LYPLAL1: variants seen among roughly 807,000 people sequenced by gnomAD.
LYPLAL1 encodes the protein lysophospholipase like 1, also known as lysophospholipase-like protein 1.
Under a neutral mutation model 19.7 loss-of-function variants are expected in LYPLAL1, and 23 were observed. That is an observed-to-expected ratio of 1.17 (90% CI 0.84 to 1.65). The LOEUF is 1.65. Ranked by LOEUF, LYPLAL1 falls within the 40% of genes most tolerant of loss-of-function variation. The pLI is 0.00. For missense variants in LYPLAL1, 355 were observed against 279.4 expected (o/e 1.27, Z -1.93); for synonymous variants, 119 against 96.3 (o/e 1.24, Z -1.38).
At chr1:219,178,958 A>G (rs574262952) in intron 1 of LYPLAL1, among the ~76,000 whole-genome samples, 189 bp from the exon 2 acceptor site, 6 of 152,302 alleles carry the variant, frequency 3.9e-5, no homozygotes, top group Non-Finnish European at 5.9e-5. Flanking sequence ...AATCAAAATT[A>G]TTGCTAGTTA....
the LYPLAL1 span, among the ~76,000 whole-genome samples, chr1:219,428,768 T>C: frequency 4.1e-3 from 622 of 152,350 alleles, 4 homozygotes; most frequent in Non-Finnish European, 7.3e-3. Flanking sequence ...TCAAACAGCA[T>C]GTGCCTTTTT....
chr1:219,370,687 A>T, the LYPLAL1 span, among the ~76,000 whole-genome samples: 288 of 152,306 alleles, frequency 1.9e-3, no homozygotes, highest in African/African-American at 5.7e-3. Flanking sequence ...CACTTTTGAG[A>T]ACATGAACAA....
intron 1 of LYPLAL1, among the ~76,000 whole-genome samples, chr1:219,177,259 G>A (rs1655892940): frequency 1.3e-5 from 2 of 152,178 alleles, no homozygotes; most frequent in African/African-American, 2.4e-5. Context: ...TCCAGGTAGT[G>A]TAGGGCAGGG....
the LYPLAL1 span, among the ~76,000 whole-genome samples, chr1:219,419,594 C>CAGAGAGAGAG: frequency 9.3e-3 from 923 of 99,560 alleles, 25 homozygotes; most frequent in African/African-American, 0.025. Context: ...CACACACACA[C>CAGAGAGAGAG]AGAGAGAGAG....
the LYPLAL1 span, among the ~76,000 whole-genome samples, chr1:219,414,907 G>A: frequency 6.6e-6 from 1 of 152,120 alleles, no homozygotes; most frequent in African/African-American, 2.4e-5. Flanking sequence ...GAGAAACCAG[G>A]GGGACCCAGA....
At chr1:219,178,805 T>G (rs1037448122) in intron 1 of LYPLAL1, among the ~76,000 whole-genome samples, 1 of 152,142 alleles carries the variant, frequency 6.6e-6, no homozygotes. Context: ...AAAAGTCACA[T>G]ATAAATACAG....
At chr1:219,429,818 C>T in the LYPLAL1 span, among the ~76,000 whole-genome samples, 21 of 152,154 alleles carry the variant, frequency 1.4e-4, no homozygotes, top group East Asian at 3.9e-4. Context: ...AAAACTGTAA[C>T]AAATTTAATG....
the LYPLAL1 span, among the ~76,000 whole-genome samples, chr1:219,436,586 A>G: frequency 2.6e-5 from 4 of 152,042 alleles, no homozygotes; most frequent in Admixed American, 1.3e-4. Flanking sequence ...TCCTTGCCCC[A>G]TGGGAAGAGG....
chr1:219,229,294 T>TGAGAGAGAGAGAGAGAGAGA, the LYPLAL1 span, among the ~76,000 whole-genome samples: 49 of 133,016 alleles, frequency 3.7e-4, no homozygotes, highest in African/African-American at 9.5e-4. Flanking sequence ...ACAAGCATTT[T>TGAGAGAGAGAGAGAGAGAGA]GAGAGAGAGA....
chr1:219,311,084 A>G, the LYPLAL1 span, among the ~76,000 whole-genome samples: 589 of 151,066 alleles, frequency 3.9e-3, 1 homozygote, highest in Middle Eastern at 0.014. Context: ...AGTCTTATTC[A>G]TCATATAAAA....
At chr1:219,426,461 C>T in the LYPLAL1 span, among the ~76,000 whole-genome samples, 6 of 152,088 alleles carry the variant, frequency 3.9e-5, no homozygotes, top group Non-Finnish European at 7.4e-5. Context: ...CTAGCTGTTG[C>T]CATGTCACAG....
chr1:219,360,578 G>A, the LYPLAL1 span, among the ~76,000 whole-genome samples: 12 of 152,262 alleles, frequency 7.9e-5, no homozygotes, highest in African/African-American at 2.9e-4. Context: ...TACATTTGTA[G>A]AGTAAATGAA....
At chr1:219,401,905 A>G in the LYPLAL1 span, among the ~76,000 whole-genome samples, 1 of 152,196 alleles carries the variant, frequency 6.6e-6, no homozygotes, top group Non-Finnish European at 1.5e-5. Context: ...ATGTGTTTAC[A>G]TATTTGACAA....
At chr1:219,285,914 A>G in the LYPLAL1 span, among the ~76,000 whole-genome samples, 1 of 152,196 alleles carries the variant, frequency 6.6e-6, no homozygotes, top group Admixed American at 6.5e-5. Flanking sequence ...CTTCTCACAT[A>G]TATTTGTGTA....
chr1:219,432,260 C>T, the LYPLAL1 span, among the ~76,000 whole-genome samples: 1 of 152,170 alleles, frequency 6.6e-6, no homozygotes, highest in African/African-American at 2.4e-5. Flanking sequence ...TCTTTGATGT[C>T]CCTAGCCACT....
chr1:219,405,420 T>G, the LYPLAL1 span, among the ~76,000 whole-genome samples: 1 of 152,208 alleles, frequency 6.6e-6, no homozygotes, highest in Admixed American at 6.5e-5. Flanking sequence ...ATTTCAAGAA[T>G]AATCTATCTT....
chr1:219,229,814 C>A, the LYPLAL1 span, among the ~76,000 whole-genome samples: 2 of 152,198 alleles, frequency 1.3e-5, no homozygotes, highest in African/African-American at 4.8e-5. Flanking sequence ...GACAAGGGAA[C>A]TTTTCCCCTT....
chr1:219,399,463 C>A, the LYPLAL1 span, among the ~76,000 whole-genome samples: 9 of 152,264 alleles, frequency 5.9e-5, no homozygotes, highest in South Asian at 1.9e-3. Context: ...ACAGAAGTGG[C>A]AGGTCAGGGT....
At chr1:219,412,474 C>G in the LYPLAL1 span, among the ~76,000 whole-genome samples, 2 of 152,132 alleles carry the variant, frequency 1.3e-5, no homozygotes, top group Non-Finnish European at 2.9e-5. Context: ...ATAGTGTGTA[C>G]CTCACAGTTT....
Sources: gnomAD v4.1 joint callset for allele counts (sites outside exome capture counted in the v4.1 genomes callset) on GRCh38, gnomAD v4.1.1 for gene constraint, MANE v1.5 for transcripts, NCBI Gene and HGNC (gene_info 2026-07-23, HGNC 2026-07-21) for gene names.